Variants in ICA1 observed in about 807,000 individuals in gnomAD.
The protein encoded by ICA1 is 69 kDa islet cell autoantigen.
ICA1 carries 40 observed loss-of-function variants against 71.0 expected under a neutral mutation model. The ratio of observed to expected loss-of-function variants is 0.56; its 90% confidence interval spans 0.44 to 0.73. The LOEUF (loss-of-function observed/expected upper bound fraction) is 0.73. Ranked by LOEUF, ICA1 falls within the 30% of genes least tolerant of loss-of-function variation. ICA1 has a pLI of 0.00. For synonymous variants in ICA1, 207 were observed against 209.5 expected, an observed-to-expected ratio of 0.99 and a Z score of 0.10; for missense variants, 578 against 576.5, an observed-to-expected ratio of 1.00 and a Z score of -0.03.
rs188777624 is a variant in ICA1, at chr7:8,130,410, G to C, written c.1061-2268C>G. On this transcript the variant is annotated intron_variant, in intron 12 of 13. Coordinates refer to ENST00000402384, the MANE Select transcript of ICA1 (RefSeq NM_001136020.3). This position sits in a 1 kb window ranked among gnomAD's most constrained non-coding sequence, Gnocchi z 4.2. ...GCTCAGGATGTGTCCATCAACACCT[G>C]TATCTACGCATGCTCCCCTCTCCAG... Among the ~76,000 whole-genome samples the C allele has an allele frequency of 4.6e-5, 7 of 152,202 alleles. No homozygotes were observed. Among genetic ancestry groups the C allele is most frequent in the Non-Finnish European group, 1.0e-4 (7 of 68,032 alleles).
intron 8 of ICA1, among the ~76,000 whole-genome samples, chr7:8,147,983 G>A (rs1041546057): frequency 2.0e-5 from 3 of 152,020 alleles, no homozygotes; most frequent in African/African-American, 4.8e-5. Context: ...GTGAATGTGC[G>A]ATTCTACATG....
intron 12 of ICA1, 128 bp from the exon 13 acceptor site, chr7:8,128,270 A>T: frequency 4.3e-6 from 4 of 927,538 alleles, no homozygotes; most frequent in Non-Finnish European, 4.9e-6. Flanking sequence ...ATCAAAATAT[A>T]AGTTCATCCT....
At chr7:8,214,080 C>CAG (rs1583321907) in intron 6 of ICA1, among the ~76,000 whole-genome samples, 1 of 152,196 alleles carries the variant, frequency 6.6e-6, no homozygotes. Flanking sequence ...TATGAGGACT[C>CAG]AGACTCCTAT....
At position 8,113,991 on chromosome 7, in the gene ICA1, G is replaced by A; in HGVS notation, c.1384C>T (p.Leu462Phe). 1.9e-6 allele frequency: 3 copies of A among 1,614,110 alleles called. No homozygotes were observed. Among genetic ancestry groups the A allele is most frequent in the Non-Finnish European group, 2.5e-6 (3 of 1,179,980 alleles). Residue 462 changes from leucine (L) to phenylalanine (F), a missense_variant, in exon 14 of 14, where the codon CTC becomes TTC. Transcript: ENST00000402384. The surrounding 1 kb of genome is among the most constrained non-coding windows in gnomAD (Gnocchi z 4.2). Reference protein sequence around the residue: ...LTAWFSLFADLDPLSNPDAVG... With the variant: ...LTAWFSLFADFDPLSNPDAVG... Reference sequence around the variant, plus strand: ...GCATCAGGATTTGAGAGTGGGTCGAGGTCAGCGAAGAGGCTGAACCAGGCA... The same window carrying A: ...GCATCAGGATTTGAGAGTGGGTCGAAGTCAGCGAAGAGGCTGAACCAGGCA...
chr7:8,161,261 G>A (rs1487920267), intron 6 of ICA1, among the ~76,000 whole-genome samples: 1 of 152,126 alleles, frequency 6.6e-6, no homozygotes, highest in Non-Finnish European at 1.5e-5. Context: ...ATCTCTTAAG[G>A]AGGACAGACA....
intron 10 of ICA1, among the ~76,000 whole-genome samples, chr7:8,140,527 T>C (rs1401066386): frequency 1.3e-5 from 2 of 152,252 alleles, no homozygotes; most frequent in Non-Finnish European, 2.9e-5. Context: ...CCACCAAAGC[T>C]GGAGCTGCTG....
At chr7:8,244,586 C>T (rs1805226134) in intron 1 of ICA1, among the ~76,000 whole-genome samples, 1 of 152,290 alleles carries the variant, frequency 6.6e-6, no homozygotes, top group South Asian at 2.1e-4. Flanking sequence ...AGAGCTTCTG[C>T]ACAGCAAAAG....
In ICA1 at chr7:8,157,135, T is replaced by C. The variant is rs1295831600; in HGVS notation, c.785A>G (p.Tyr262Cys). 6 of 1,614,034 alleles carry C rather than the reference T, an allele frequency of 3.7e-6. No individual in the cohort carries two copies. In the South Asian group the frequency reaches 4.4e-5, roughly 12 times the overall value. ...IHESFKGYQPYEFTTLKSLQD... is the reference protein window; with the variant it reads ...IHESFKGYQPCEFTTLKSLQD... ...CCATACCTTTAAAGTAGTAAATTCA[T>C]ATGGTTGATAACCTTTGAAACTCTC... Residue 262 changes from tyrosine to cysteine, a missense_variant, in exon 8 of 14, where the codon TAT becomes TGT. Physicochemically the swap from Tyr to Cys is radical, Grantham distance 194. Transcript: ENST00000402384.
chr7:8,140,560 T>C (rs1463073303), intron 10 of ICA1, among the ~76,000 whole-genome samples: 4 of 152,232 alleles, frequency 2.6e-5, no homozygotes, highest in Admixed American at 6.5e-5. Flanking sequence ...AATGATTAGA[T>C]TACCATCTGC....
chr7:8,159,125 C>G (rs1413519670), intron 6 of ICA1, among the ~76,000 whole-genome samples: 2 of 152,146 alleles, frequency 1.3e-5, no homozygotes, highest in East Asian at 3.9e-4. Context: ...ATTTACTAAC[C>G]TACAGACTTT....
intron 6 of ICA1, among the ~76,000 whole-genome samples, chr7:8,175,045 G>T (rs974751843): frequency 2.6e-5 from 4 of 152,100 alleles, no homozygotes; most frequent in Non-Finnish European, 5.9e-5. Context: ...AAGAGAGAAA[G>T]GATCATCTCA....
chr7:8,243,569 C>G (rs1259101819), intron 1 of ICA1, among the ~76,000 whole-genome samples: 1 of 152,086 alleles, frequency 6.6e-6, no homozygotes, highest in East Asian at 1.9e-4. Flanking sequence ...CTGGCCAGGG[C>G]AATCAGGCAA....
intron 13 of ICA1, among the ~76,000 whole-genome samples, chr7:8,119,132 C>T (rs1473148453): frequency 2.6e-5 from 4 of 152,124 alleles, no homozygotes; most frequent in Non-Finnish European, 5.9e-5. Context: ...ACTTCAGGAC[C>T]CCACACTCCC....
chr7:8,195,358 T>A (rs1276432971), intron 6 of ICA1, among the ~76,000 whole-genome samples: 1 of 152,030 alleles, frequency 6.6e-6, no homozygotes, highest in African/African-American at 2.4e-5. Flanking sequence ...CTGGCCATCA[T>A]GGTGAAACCC....
At chr7:8,137,672 T>C (rs1793875048) in intron 12 of ICA1, among the ~76,000 whole-genome samples, 1 of 152,258 alleles carries the variant, frequency 6.6e-6, no homozygotes, top group Admixed American at 6.5e-5. Context: ...GTCATTTTGA[T>C]AAAATATTCA....
intron 6 of ICA1, among the ~76,000 whole-genome samples, chr7:8,198,719 G>C (rs1374767724): frequency 2.0e-5 from 3 of 152,154 alleles, no homozygotes; most frequent in South Asian, 2.1e-4. Flanking sequence ...AGGTGTGAGA[G>C]AGTAAGGCAT....
chr7:8,151,245 G>C (rs1798691832), intron 8 of ICA1, among the ~76,000 whole-genome samples: 1 of 152,238 alleles, frequency 6.6e-6, no homozygotes, highest in Non-Finnish European at 1.5e-5. Flanking sequence ...GGGAATGAGA[G>C]AGGTGGGGGA....
intron 6 of ICA1, among the ~76,000 whole-genome samples, chr7:8,194,655 A>G (rs925290603): frequency 1.3e-5 from 2 of 152,242 alleles, no homozygotes; most frequent in Admixed American, 1.3e-4. Context: ...AGGTTTATGT[A>G]CAAAAAGTTT....
intron 12 of ICA1, among the ~76,000 whole-genome samples, chr7:8,133,639 T>G (rs1391087672): frequency 1.3e-5 from 2 of 152,304 alleles, no homozygotes; most frequent in Non-Finnish European, 2.9e-5. Flanking sequence ...TCAAAGGCCT[T>G]CAGTGGCTCC....
Sources: gnomAD v4.1 joint callset for allele counts (sites outside exome capture counted in the v4.1 genomes callset) on GRCh38, gnomAD v4.1.1 for gene constraint, Gnocchi (gnomAD v3.1) non-coding constraint, MANE v1.5 for transcripts, NCBI Gene and HGNC (gene_info 2026-07-23, HGNC 2026-07-21) for gene names.